The following DRC4 variants were observed in gnomAD, a reference collection of about 807,000 sequenced individuals.
The protein encoded by DRC4 is dynein regulatory complex subunit 4.
chr16:90,036,430 C>T, the DRC4 span: 52 of 1,612,522 alleles, frequency 3.2e-5, no homozygotes, highest in East Asian at 1.3e-4. Context: ...GGGACGAACT[C>T]GACTTGCGGA....
chr16:90,021,702 A>G, the DRC4 span, among the ~76,000 whole-genome samples: 1 of 151,942 alleles, frequency 6.6e-6, no homozygotes, highest in African/African-American at 2.4e-5. Context: ...CCCCGTCTCT[A>G]TTAAAAACTT....
the DRC4 span, among the ~76,000 whole-genome samples, chr16:90,024,273 TAGAG>T: frequency 1.7e-3 from 260 of 152,138 alleles, no homozygotes; most frequent in African/African-American, 6.0e-3. Flanking sequence ...TTTAAGGAAT[TAGAG>T]AGACCGATGG....
At chr16:90,036,974 A>G in the DRC4 span, 1 of 564,782 alleles carries the variant, frequency 1.8e-6, no homozygotes, top group Non-Finnish European at 3.2e-6. Context: ...GATTTTCTAC[A>G]GTAGACAACG....
chr16:90,021,733 G>T, the DRC4 span, among the ~76,000 whole-genome samples: 4 of 151,884 alleles, frequency 2.6e-5, no homozygotes, highest in Non-Finnish European at 5.9e-5. Flanking sequence ...GCTGGGTATG[G>T]TGTCTCACAC....
chr16:90,036,902 T>A, the DRC4 span: 1 of 558,110 alleles, frequency 1.8e-6, no homozygotes, highest in Admixed American at 3.0e-5. Context: ...TGGATAGGTG[T>A]CATAGTCACT....
the DRC4 span, among the ~76,000 whole-genome samples, chr16:90,033,572 G>A: frequency 1.1e-4 from 17 of 152,202 alleles, no homozygotes; most frequent in African/African-American, 3.9e-4. Flanking sequence ...AGGCTGAGGC[G>A]GGAGGATCCC....
the DRC4 span, among the ~76,000 whole-genome samples, chr16:90,034,514 C>T: frequency 3.9e-5 from 6 of 152,090 alleles, no homozygotes; most frequent in East Asian, 9.7e-4. Flanking sequence ...CCCAGCTACT[C>T]GGGACGCTGA....
At chr16:90,020,239 G>C in the DRC4 span, 30 of 440,662 alleles carry the variant, frequency 6.8e-5, no homozygotes, top group Non-Finnish European at 1.1e-4. Flanking sequence ...CCCTTTGGGA[G>C]GCTGAGGTGG....
chr16:90,029,488 C>G, the DRC4 span: 1 of 424,066 alleles, frequency 2.4e-6, no homozygotes, highest in Non-Finnish European at 4.4e-6. Flanking sequence ...GCCAAACAGA[C>G]CAGTCAGGAG....
chr16:90,036,883 T>C, the DRC4 span: 1 of 577,644 alleles, frequency 1.7e-6, no homozygotes, highest in Non-Finnish European at 3.1e-6. Flanking sequence ...GGCCGTGATG[T>C]GGCTGGAGTG....
the DRC4 span, among the ~76,000 whole-genome samples, chr16:90,021,856 CAAA>C: frequency 3.5e-4 from 10 of 28,950 alleles, no homozygotes; most frequent in Non-Finnish European, 5.4e-4. Context: ...ACCCTGTCTC[CAAA>C]AAAAAAAAAA....
chr16:90,035,795 A>G, the DRC4 span: 2 of 1,609,472 alleles, frequency 1.2e-6, no homozygotes, highest in Non-Finnish European at 1.7e-6. Context: ...ACTGGATTAA[A>G]ACAGCCAAGG....
chr16:90,030,450 C>G, the DRC4 span, among the ~76,000 whole-genome samples: 1 of 151,980 alleles, frequency 6.6e-6, no homozygotes, highest in Non-Finnish European at 1.5e-5. Context: ...AAACGATCCT[C>G]CTACCTCAGT....
At chr16:90,033,860 G>A in the DRC4 span, among the ~76,000 whole-genome samples, 2 of 151,508 alleles carry the variant, frequency 1.3e-5, no homozygotes, top group African/African-American at 2.4e-5. Context: ...AGTGGGGAGA[G>A]GTGGGGTGCG....
chr16:90,027,542 A>T, the DRC4 span: 3 of 1,290,340 alleles, frequency 2.3e-6, no homozygotes, highest in Non-Finnish European at 3.4e-6. Context: ...GAGGTTCCAG[A>T]ACCTTCTCTG....
chr16:90,036,080 A>G, the DRC4 span: 1 of 623,282 alleles, frequency 1.6e-6, no homozygotes, highest in Non-Finnish European at 2.6e-6. Context: ...GTGGCCACAC[A>G]GGCCTCGGTT....
At chr16:90,036,924 G>A in the DRC4 span, 2 of 553,282 alleles carry the variant, frequency 3.6e-6, no homozygotes, top group Non-Finnish European at 3.2e-6. Context: ...CCTGCGACAG[G>A]TGGATAGGTG....
chr16:90,043,010 G>A, the DRC4 span: 36 of 606,374 alleles, frequency 5.9e-5, no homozygotes, highest in Non-Finnish European at 8.8e-5. Context: ...TCTCCCTGTC[G>A]TGCTACCTGA....
chr16:90,027,776 G>C, the DRC4 span: 1 of 1,526,762 alleles, frequency 6.5e-7, no homozygotes, highest in South Asian at 1.1e-5. Context: ...CGGGCACCAC[G>C]CAGGGTGCCT....
Sources: gnomAD v4.1 joint callset for allele counts (sites outside exome capture counted in the v4.1 genomes callset) on GRCh38, gnomAD v4.1.1 for gene constraint, MANE v1.5 for transcripts, NCBI Gene and HGNC (gene_info 2026-07-23, HGNC 2026-07-21) for gene names.